Variants in ADCY2 observed in about 807,000 individuals in gnomAD.
The protein encoded by ADCY2 is adenylate cyclase type 2.
A neutral mutation model predicts 125.2 loss-of-function variants in ADCY2; 31 were observed. The observed-to-expected ratio is 0.25, with a 90% CI of 0.19 to 0.33. The LOEUF (loss-of-function observed/expected upper bound fraction) is 0.33. ADCY2 is among the 10% of genes least tolerant of loss of function. ADCY2 has a pLI of 1.00. For synonymous variants in ADCY2, 512 were observed against 548.4 expected (o/e 0.93, Z 0.93); for missense variants, 904 against 1,418.2 (o/e 0.64, Z 5.82).
intron 23 of ADCY2, among the ~76,000 whole-genome samples, chr5:7,819,358 C>T (rs1027038697): frequency 2.0e-5 from 3 of 152,048 alleles, no homozygotes; most frequent in Admixed American, 1.3e-4. Flanking sequence ...TTATATAGAC[C>T]AAAATCATAT....
chr5:7,804,451 C>G (rs1254424114), intron 21 of ADCY2, 134 bp from the exon 22 acceptor site: 1 of 729,836 alleles, frequency 1.4e-6, no homozygotes, highest in African/African-American at 1.7e-5. Flanking sequence ...AGCCCAGGGC[C>G]CAAGGGTGCA....
At chr5:7,700,794 A>G (rs1741054808) in intron 7 of ADCY2, among the ~76,000 whole-genome samples, 1 of 146,234 alleles carries the variant, frequency 6.8e-6, no homozygotes, top group African/African-American at 2.5e-5. Flanking sequence ...CGCATGTTCC[A>G]TATTCACTAG....
chr5:7,640,902 G>A (rs1444756422), intron 4 of ADCY2, among the ~76,000 whole-genome samples: 1 of 152,178 alleles, frequency 6.6e-6, no homozygotes, highest in Non-Finnish European at 1.5e-5. Flanking sequence ...CAGCTAATAT[G>A]ATTATCCAGC....
At chr5:7,718,235 A>G (rs1579351925) in intron 12 of ADCY2, among the ~76,000 whole-genome samples, 2 of 134,154 alleles carry the variant, frequency 1.5e-5, no homozygotes, top group Non-Finnish European at 3.1e-5. Context: ...TGCAAGCTCC[A>G]CCTCCCGGGT....
chr5:7,792,781 C>A (rs1266153158), intron 20 of ADCY2, among the ~76,000 whole-genome samples: 1 of 152,216 alleles, frequency 6.6e-6, no homozygotes, highest in Non-Finnish European at 1.5e-5. Context: ...TTCCTGTGAA[C>A]GTGAGCTGGT....
chr5:7,792,863 G>A (rs1744298302), intron 20 of ADCY2, among the ~76,000 whole-genome samples: 1 of 152,216 alleles, frequency 6.6e-6, no homozygotes, highest in South Asian at 2.1e-4. Flanking sequence ...TCCAGTTGCT[G>A]GAGGCAGGCT....
chr5:7,414,030 C>T (rs1579418816), intron 1 of ADCY2, among the ~76,000 whole-genome samples: 1 of 152,148 alleles, frequency 6.6e-6, no homozygotes, highest in East Asian at 1.9e-4. Flanking sequence ...TTTCCCGCTC[C>T]CTCACGTTCC....
intron 2 of ADCY2, among the ~76,000 whole-genome samples, chr5:7,515,105 CA>C (rs1220854609): frequency 2.0e-5 from 3 of 152,170 alleles, no homozygotes; most frequent in Non-Finnish European, 4.4e-5. Context: ...TGGTCCCTTC[CA>C]CTCTACCTTT....
chr5:7,468,223 A>T (rs1470116504), intron 2 of ADCY2, among the ~76,000 whole-genome samples: 3 of 152,184 alleles, frequency 2.0e-5, no homozygotes, highest in African/African-American at 7.2e-5. Flanking sequence ...GGAGGATCAA[A>T]TTTGATGAGA....
chr5:7,766,883 C>T, intron 17 of ADCY2, 77 bp downstream of exon 17: 1 of 1,515,456 alleles, frequency 6.6e-7, no homozygotes, highest in Non-Finnish European at 8.8e-7. Context: ...ATCCTTTAGT[C>T]TCAGATCTGT....
At chr5:7,817,778 G>A (rs1277645871) in intron 23 of ADCY2, among the ~76,000 whole-genome samples, 2 of 136,118 alleles carry the variant, frequency 1.5e-5, no homozygotes, top group Admixed American at 7.9e-5. Context: ...AGCCATAATA[G>A]TGCCACTGCA....
intron 4 of ADCY2, among the ~76,000 whole-genome samples, chr5:7,655,267 A>G (rs1242387192): frequency 1.3e-5 from 2 of 152,170 alleles, no homozygotes; most frequent in Non-Finnish European, 2.9e-5. Context: ...TTAGGACTGT[A>G]TTAGTCAGGG....
chr5:7,542,552 CTG>C (rs1311192182), intron 3 of ADCY2, among the ~76,000 whole-genome samples: 1 of 152,130 alleles, frequency 6.6e-6, no homozygotes, highest in African/African-American at 2.4e-5. Flanking sequence ...TATGTAAAAA[CTG>C]TGTAAAAAAG....
chr5:7,587,106 G>T (rs1315172363), intron 3 of ADCY2, among the ~76,000 whole-genome samples: 1 of 149,260 alleles, frequency 6.7e-6, no homozygotes, highest in East Asian at 1.9e-4. Context: ...AGTGACAGGT[G>T]GAGTCAGGTC....
chr5:7,717,861 T>C (rs1459199916), intron 12 of ADCY2, among the ~76,000 whole-genome samples: 1 of 152,202 alleles, frequency 6.6e-6, no homozygotes, highest in Non-Finnish European at 1.5e-5. Flanking sequence ...GTGTCATAAC[T>C]GAACCCATGC....
intron 3 of ADCY2, among the ~76,000 whole-genome samples, chr5:7,554,944 G>A (rs1279579214): frequency 6.6e-6 from 1 of 152,176 alleles, no homozygotes; most frequent in Non-Finnish European, 1.5e-5. Context: ...CTTCCCAGGT[G>A]TCATCCAGAA....
At chr5:7,444,862 G>A (rs1008751802) in intron 2 of ADCY2, among the ~76,000 whole-genome samples, 9 of 152,134 alleles carry the variant, frequency 5.9e-5, no homozygotes, top group African/African-American at 2.2e-4. Flanking sequence ...TTATAAGTGA[G>A]CTTGAGCAGC....
chr5:7,674,302 T>G (rs948946912), intron 4 of ADCY2, among the ~76,000 whole-genome samples: 1 of 152,128 alleles, frequency 6.6e-6, no homozygotes, highest in Non-Finnish European at 1.5e-5. Flanking sequence ...GGTTTCGGTG[T>G]GGGGTGGGTG....
intron 16 of ADCY2, among the ~76,000 whole-genome samples, chr5:7,762,199 G>A (rs1343031097): frequency 6.6e-6 from 1 of 152,242 alleles, no homozygotes. Context: ...GATACCTGGT[G>A]CCATGAACCA....
Sources: allele counts gnomAD v4.1 joint callset (sites outside exome capture counted in the v4.1 genomes callset), GRCh38; gene constraint gnomAD v4.1.1; transcripts MANE v1.5; gene names NCBI Gene and HGNC (gene_info 2026-07-23, HGNC 2026-07-21).